DCDC2C: variants seen among roughly 807,000 people sequenced by gnomAD.
The protein encoded by DCDC2C is doublecortin domain containing 2C, also known as doublecortin domain-containing protein 2C.
Under a neutral mutation model 45.0 loss-of-function variants are expected in DCDC2C, and 44 were observed. The observed-to-expected ratio is 0.98, with a 90% CI of 0.77 to 1.26. The LOEUF is 1.26. Among genes scored for constraint, DCDC2C ranks in the 50% most tolerant of loss-of-function variants. DCDC2C has a pLI of 0.00. For missense variants in DCDC2C, 447 were observed against 468.9 expected (o/e 0.95, Z 0.43); for synonymous variants, 187 against 178.8 (o/e 1.05, Z -0.37).
chr2:3,708,526 TTTTCTTC>T lies in DCDC2C; in HGVS notation c.288-12_288-6del. ...TGTAAATATCTTCCTTCTAATGATG[TTTTCTTC>T]TTTCTTCTTTTGCAGTTATATTCAT... On this transcript the variant is annotated splice_polypyrimidine_tract_variant and intron_variant, in intron 1 of 10. Transcript: ENST00000399143. The T allele has an allele frequency of 6.6e-7, 1 of 1,523,516 alleles. No homozygotes were observed. Among genetic ancestry groups the T allele is most frequent in the Non-Finnish European group, 8.8e-7 (1 of 1,130,272 alleles). 94.4% of individuals were successfully genotyped at this position (1,523,516 alleles called of 1,614,324 possible).
intron 10 of DCDC2C, among the ~76,000 whole-genome samples, chr2:3,822,767 C>A (rs1245077918): frequency 6.6e-6 from 1 of 152,000 alleles, no homozygotes; most frequent in African/African-American, 2.4e-5. Context: ...TAAAGCTATA[C>A]ATTTCTAATA....
chr2:3,844,416 C>T (rs534079004), intron 10 of DCDC2C: 51 of 152,670 alleles, frequency 3.3e-4, no homozygotes, highest in African/African-American at 1.2e-3. Flanking sequence ...CCCACGCAGC[C>T]GTCCTCAGGA....
intron 9 of DCDC2C, among the ~76,000 whole-genome samples, chr2:3,783,804 G>A (rs965638869): frequency 2.0e-5 from 3 of 152,242 alleles, no homozygotes; most frequent in Non-Finnish European, 2.9e-5. Flanking sequence ...GATATTCAGT[G>A]AGTCTCAAAA....
intron 2 of DCDC2C, among the ~76,000 whole-genome samples, chr2:3,711,954 G>A (rs1399397955): frequency 2.0e-5 from 3 of 152,212 alleles, no homozygotes; most frequent in Non-Finnish European, 4.4e-5. Context: ...GGAAGTGCCT[G>A]ATGCTCATGA....
chr2:3,787,733 G>A (rs926023753), intron 10 of DCDC2C, among the ~76,000 whole-genome samples: 4 of 152,176 alleles, frequency 2.6e-5, no homozygotes, highest in African/African-American at 7.2e-5. Context: ...GAATTCCTCT[G>A]CTCAGAGTCT....
intron 8 of DCDC2C, among the ~76,000 whole-genome samples, chr2:3,773,154 G>A (rs969869025): frequency 1.3e-5 from 2 of 152,146 alleles, no homozygotes; most frequent in Admixed American, 6.5e-5. Flanking sequence ...ACAGGGTTTC[G>A]GGGTGGAAGC....
At chr2:3,716,793 A>G (rs774515002) in intron 2 of DCDC2C, among the ~76,000 whole-genome samples, 13 of 152,216 alleles carry the variant, frequency 8.5e-5, no homozygotes, top group Non-Finnish European at 1.6e-4. Flanking sequence ...AAATAGACTC[A>G]GACAACGTGT....
At chr2:3,714,553 A>G (rs1310793139) in intron 2 of DCDC2C, among the ~76,000 whole-genome samples, 1 of 149,374 alleles carries the variant, frequency 6.7e-6, no homozygotes, top group Non-Finnish European at 1.5e-5. Context: ...CCTGGACTAA[A>G]CAACAAGTGT....
At chr2:3,814,862 G>A (rs1398800790) in intron 10 of DCDC2C, among the ~76,000 whole-genome samples, 1 of 152,284 alleles carries the variant, frequency 6.6e-6, no homozygotes, top group Non-Finnish European at 1.5e-5. Context: ...TAGGGGACAA[G>A]TCTTGGGACC....
At chr2:3,727,648 A>T (rs1668733695) in intron 3 of DCDC2C, among the ~76,000 whole-genome samples, 1 of 152,224 alleles carries the variant, frequency 6.6e-6, no homozygotes, top group South Asian at 2.1e-4. Flanking sequence ...AGTGGGAGGC[A>T]CTGGGGATAG....
intron 7 of DCDC2C, among the ~76,000 whole-genome samples, chr2:3,768,435 T>C (rs1670071100): frequency 1.3e-5 from 2 of 152,210 alleles, no homozygotes; most frequent in African/African-American, 4.8e-5. Flanking sequence ...TATGGATACT[T>C]AGTGAGAGAC....
In DCDC2C at chr2:3,838,999, T is replaced by C. The variant is rs1572652796; in HGVS notation, c.1066-8155T>C. Among the ~76,000 whole-genome samples the C allele has an allele frequency of 5.3e-5, 8 of 152,260 alleles. 2 individuals are homozygous for C. The South Asian group carries it at 1.7e-3, about 32-fold the overall frequency. On this transcript the variant is annotated intron_variant, in intron 10 of 10. Coordinates refer to ENST00000399143, the MANE Select transcript of DCDC2C (RefSeq NM_001287444.2). ...GATGAGCATGTTTGAATACAGAAAATAAAATTATTTTTATATTTTAAGAAT... is the reference window on the plus strand; with the variant it reads ...GATGAGCATGTTTGAATACAGAAAACAAAATTATTTTTATATTTTAAGAAT...
chr2:3,841,784 C>T (rs1348143087), intron 10 of DCDC2C, among the ~76,000 whole-genome samples: 1 of 152,172 alleles, frequency 6.6e-6, no homozygotes, highest in African/African-American at 2.4e-5. Context: ...TCAGAGCACT[C>T]AACCCCTGCC....
intron 9 of DCDC2C, among the ~76,000 whole-genome samples, chr2:3,780,234 C>G (rs1006390792): frequency 3.3e-5 from 5 of 152,092 alleles, no homozygotes; most frequent in Non-Finnish European, 7.4e-5. Context: ...AACAAGCCAC[C>G]GGCTTACCTG....
Position 3,734,902 on chromosome 2 carries a change from C to T in DCDC2C, c.417-7018C>T, listed in dbSNP as rs1477546716. On this transcript the variant is annotated intron_variant, in intron 3 of 10. Transcript: ENST00000399143. This position sits in a 1 kb window ranked among gnomAD's most constrained non-coding sequence, Gnocchi z 4.2. The stretch of plus-strand genomic sequence containing the variant: ...TGAAAGTGTCTTTAGATAGGGGGTT[C>T]CTTACTCCCGGGTCCAGGGATGACT... Among the ~76,000 whole-genome samples, 7 of 152,094 alleles carry T rather than the reference C, an allele frequency of 4.6e-5. No individual in the cohort carries two copies. Among genetic ancestry groups the T allele is most frequent in the African/African-American group, 1.7e-4 (7 of 41,390 alleles).
At chr2:3,704,211 G>A in intron 1 of DCDC2C, 173 bp downstream of exon 1, 1 of 558,824 alleles carries the variant, frequency 1.8e-6, no homozygotes, top group South Asian at 9.8e-5. Context: ...CAGGCCACGT[G>A]GTTTCCTGGG....
chr2:3,801,119 G>A (rs1671102296), intron 10 of DCDC2C, among the ~76,000 whole-genome samples: 1 of 152,202 alleles, frequency 6.6e-6, no homozygotes, highest in African/African-American at 2.4e-5. Context: ...GGTGGTGATA[G>A]CATTTACATT....
chr2:3,723,655 C>G (rs1259389249), intron 2 of DCDC2C, among the ~76,000 whole-genome samples: 3 of 152,048 alleles, frequency 2.0e-5, no homozygotes, highest in Non-Finnish European at 4.4e-5. Context: ...ACAAAGGCTA[C>G]TTTGCTTGCC....
rs147694973 is a variant in DCDC2C at position 3,806,210 on chromosome 2, T to C, written c.1065+21110T>C. 4.6e-5 allele frequency among the ~76,000 whole-genome samples: 7 copies of C among 152,300 alleles called. No individual in the cohort carries two copies. In the East Asian group the frequency reaches 1.4e-3, roughly 29 times the overall value. ...GCACTTCATGACTCCCTTTGCTGCATTGTTTGATGCTTTCAAGGACGGCTG... is the reference window on the plus strand; with the variant it reads ...GCACTTCATGACTCCCTTTGCTGCACTGTTTGATGCTTTCAAGGACGGCTG... On this transcript the variant is annotated intron_variant, in intron 10 of 10. Transcript: ENST00000399143.
Sources: allele counts gnomAD v4.1 joint callset (sites outside exome capture counted in the v4.1 genomes callset), GRCh38; gene constraint gnomAD v4.1.1; non-coding constraint Gnocchi (gnomAD v3.1); transcripts MANE v1.5; gene names NCBI Gene and HGNC (gene_info 2026-07-23, HGNC 2026-07-21).